KCNQ5: variants seen among roughly 807,000 people sequenced by gnomAD.
KCNQ5 encodes potassium voltage-gated channel subfamily Q member 5.
In KCNQ5, 30 loss-of-function variants were observed where a neutral mutation model predicts 98.2. That is an observed-to-expected ratio of 0.31 (90% confidence interval 0.23 to 0.41). The LOEUF is 0.41. Among genes scored for constraint, KCNQ5 ranks in the 10% least tolerant of loss-of-function variants. The pLI is 1.00. For missense variants in KCNQ5, 835 were observed against 1,182.5 expected, an observed-to-expected ratio of 0.71 and a Z score of 4.31; for synonymous variants, 458 against 449.4, an observed-to-expected ratio of 1.02 and a Z score of -0.24.
intron 1 of KCNQ5, among the ~76,000 whole-genome samples, chr6:72,768,037 A>G (rs564478324): frequency 2.0e-5 from 3 of 152,202 alleles, no homozygotes; most frequent in South Asian, 2.1e-4. Flanking sequence ...AAAAACTTGA[A>G]CATTAATGTT....
At chr6:72,734,295 C>A (rs1404550899) in intron 1 of KCNQ5, among the ~76,000 whole-genome samples, 1 of 151,860 alleles carries the variant, frequency 6.6e-6, no homozygotes, top group East Asian at 1.9e-4. Flanking sequence ...ATTTTTTAAA[C>A]ATGTTCAATA....
intron 1 of KCNQ5, among the ~76,000 whole-genome samples, chr6:72,945,521 C>G (rs1342776090): frequency 1.3e-5 from 2 of 149,484 alleles, no homozygotes; most frequent in Non-Finnish European, 3.0e-5. Context: ...GTGGTGCAAT[C>G]TTGGCTCACT....
intron 1 of KCNQ5, among the ~76,000 whole-genome samples, chr6:72,763,189 G>A (rs1772376303): frequency 1.3e-5 from 2 of 151,576 alleles, no homozygotes; most frequent in Admixed American, 1.3e-4. Context: ...TAGCACTCTG[G>A]GTCCTGGGTG....
In KCNQ5 at chr6:72,622,240, G is replaced by A; in HGVS notation, c.51G>A (p.Trp17Ter). The change falls in exon 1 of 14, where the codon TGG (tryptophan) becomes TGA (stop). Residue 17 changes from tryptophan (W) to a stop codon, truncating the protein, a stop_gained. Coordinates refer to ENST00000370398, the MANE Select transcript of KCNQ5 (RefSeq NM_019842.4). LOFTEE classifies it high-confidence loss of function. The surrounding 1 kb of genome is among the most constrained non-coding windows in gnomAD (Gnocchi z 6.0). ...GGEEGGAAGL[W>*]VKSGAAAAAA... is the part of the protein sequence containing the mutation. The stretch of plus-strand genomic sequence containing the variant: ...AGGAGGGCGGCGCCGCCGGGCTCTG[G>A]GTGAAGAGCGGCGCAGCGGCGGCGG... 1 of 1,251,310 alleles carries A rather than the reference G, an allele frequency of 8.0e-7. No homozygotes were observed. The allele number at this position is 1,251,310 out of a possible 1,614,324, so 77.5% of individuals were successfully genotyped here.
chr6:73,184,383 G>A (rs1291071780), intron 11 of KCNQ5, among the ~76,000 whole-genome samples: 1 of 152,188 alleles, frequency 6.6e-6, no homozygotes, highest in African/African-American at 2.4e-5. Flanking sequence ...TATTCATGGA[G>A]GAAACTCAGA....
chr6:73,115,289 A>C (rs1253640650), intron 7 of KCNQ5, among the ~76,000 whole-genome samples: 1 of 152,216 alleles, frequency 6.6e-6, no homozygotes, highest in East Asian at 1.9e-4. Context: ...GATAAGAAAC[A>C]TGAAGTGTCC....
At chr6:73,181,767 G>A (rs1778411809) in intron 11 of KCNQ5, among the ~76,000 whole-genome samples, 1 of 152,162 alleles carries the variant, frequency 6.6e-6, no homozygotes, top group East Asian at 1.9e-4. Context: ...CTCAAAGCTG[G>A]AGCCAAACTG....
At position 72,799,844 on chromosome 6, in the gene KCNQ5, C is replaced by T. The variant is rs187456916; in HGVS notation, c.398+177257C>T. Among the ~76,000 whole-genome samples the T allele has an allele frequency of 4.6e-4, 70 of 152,240 alleles. 1 individual carries two copies. The East Asian group carries it at 7.9e-3, about 17-fold the overall frequency. On this transcript the variant is annotated intron_variant, in intron 1 of 13. Transcript: ENST00000370398. ...CACTTTAATTATTTCTCACAGCAACCTCATAAAACTCTTCCAAATAGTGTA... is the reference window on the plus strand; with the variant it reads ...CACTTTAATTATTTCTCACAGCAACTTCATAAAACTCTTCCAAATAGTGTA...
chr6:73,047,094 G>C (rs1324880886), intron 3 of KCNQ5, among the ~76,000 whole-genome samples: 2 of 152,068 alleles, frequency 1.3e-5, no homozygotes, highest in Non-Finnish European at 2.9e-5. Flanking sequence ...TACCCAACTG[G>C]AAAATTGTCT....
chr6:72,980,989 C>A (rs1206885584), intron 1 of KCNQ5, among the ~76,000 whole-genome samples: 4 of 151,920 alleles, frequency 2.6e-5, no homozygotes, highest in Admixed American at 2.6e-4. Flanking sequence ...TTGAACCAGC[C>A]TTGCATCCCA....
chr6:73,094,339 A>T (rs1396300788), intron 5 of KCNQ5, among the ~76,000 whole-genome samples: 3 of 152,102 alleles, frequency 2.0e-5, no homozygotes, highest in Admixed American at 2.0e-4. Context: ...TGGTTGGTGA[A>T]TTCTTATCAA....
intron 10 of KCNQ5, among the ~76,000 whole-genome samples, chr6:73,137,707 T>C (rs972369007): frequency 5.3e-5 from 8 of 152,172 alleles, no homozygotes; most frequent in African/African-American, 1.7e-4. Flanking sequence ...ATTTTATGGA[T>C]GAGGAAACTA....
chr6:72,801,177 T>A (rs1224545529), intron 1 of KCNQ5, among the ~76,000 whole-genome samples: 2 of 150,972 alleles, frequency 1.3e-5, no homozygotes, highest in African/African-American at 4.9e-5. Context: ...TTCCTGGGTA[T>A]CCTTGTTAAC....
At chr6:73,083,094 A>C (rs944209308) in intron 5 of KCNQ5, among the ~76,000 whole-genome samples, 4 of 152,004 alleles carry the variant, frequency 2.6e-5, no homozygotes, top group Admixed American at 6.6e-5. Context: ...GGGTCTCACC[A>C]TGTTGCCCAG....
intron 5 of KCNQ5, among the ~76,000 whole-genome samples, chr6:73,083,228 A>G (rs1773851975): frequency 6.6e-6 from 1 of 152,184 alleles, no homozygotes; most frequent in Non-Finnish European, 1.5e-5. Context: ...TTGTATTTGT[A>G]ATTATAATGG....
intron 1 of KCNQ5, among the ~76,000 whole-genome samples, chr6:72,644,035 G>A (rs977347333): frequency 9.9e-5 from 15 of 151,848 alleles, no homozygotes; most frequent in Admixed American, 1.3e-4. Context: ...AACACACAAG[G>A]TATAAACCAG....
intron 1 of KCNQ5, among the ~76,000 whole-genome samples, chr6:72,702,306 A>C (rs1386969275): frequency 6.6e-6 from 1 of 152,240 alleles, no homozygotes; most frequent in Non-Finnish European, 1.5e-5. Flanking sequence ...AGCAATGTGA[A>C]GGGCTGCTGA....
intron 1 of KCNQ5, among the ~76,000 whole-genome samples, chr6:72,734,709 G>T (rs1770734565): frequency 6.6e-6 from 1 of 152,076 alleles, no homozygotes; most frequent in African/African-American, 2.4e-5. Context: ...AGAAAAACTG[G>T]TGGATGATGT....
chr6:72,679,860 A>G (rs1049409672), intron 1 of KCNQ5, among the ~76,000 whole-genome samples: 2 of 152,150 alleles, frequency 1.3e-5, no homozygotes, highest in African/African-American at 4.8e-5. Flanking sequence ...CAACATGATG[A>G]AACCCTGTCT....
Sources: gnomAD v4.1 joint callset for allele counts (sites outside exome capture counted in the v4.1 genomes callset) on GRCh38, gnomAD v4.1.1 for gene constraint, Gnocchi (gnomAD v3.1) non-coding constraint, MANE v1.5 for transcripts, NCBI Gene and HGNC (gene_info 2026-07-23, HGNC 2026-07-21) for gene names.